Variants in ARPC1A observed in about 807,000 individuals in gnomAD.
ARPC1A encodes the protein actin related protein 2/3 complex subunit 1A.
In ARPC1A, 8 loss-of-function variants were observed where a neutral mutation model predicts 46.9. The observed-to-expected ratio is 0.17, with a 90% CI of 0.10 to 0.31. ARPC1A has a LOEUF of 0.31. Ranked by LOEUF, ARPC1A falls within the 10% of genes least tolerant of loss-of-function variation. The pLI is 1.00. For synonymous variants in ARPC1A, 152 were observed against 169.0 expected (o/e 0.90, Z 0.78); for missense variants, 286 against 483.6 (o/e 0.59, Z 3.83).
At chr7:99,335,038 G>C (rs1793217380) in intron 2 of ARPC1A, among the ~76,000 whole-genome samples, 1 of 152,126 alleles carries the variant, frequency 6.6e-6, no homozygotes, top group Admixed American at 6.6e-5. Flanking sequence ...GTAGAGACAG[G>C]GTTTCACCTG....
At chr7:99,357,357 C>CT (rs1461793714) in intron 6 of ARPC1A, among the ~76,000 whole-genome samples, 4 of 151,848 alleles carry the variant, frequency 2.6e-5, no homozygotes, top group Non-Finnish European at 4.4e-5. Context: ...ATACAGTTAG[C>CT]TTTTTTTTAT....
At chr7:99,349,935 G>A (rs375676761) in intron 5 of ARPC1A, among the ~76,000 whole-genome samples, 25 of 151,208 alleles carry the variant, frequency 1.7e-4, no homozygotes, top group East Asian at 1.6e-3. Flanking sequence ...CATTTGAACC[G>A]GGGAGGTGGA....
chr7:99,362,726 G>A (rs758675654), intron 8 of ARPC1A, among the ~76,000 whole-genome samples: 26 of 151,886 alleles, frequency 1.7e-4, no homozygotes, highest in Non-Finnish European at 2.9e-4. Flanking sequence ...CCTTCCCAGC[G>A]TCGGGGAAGA....
chr7:99,358,712 G>C (rs1335269386), intron 7 of ARPC1A: 1 of 292,602 alleles, frequency 3.4e-6, no homozygotes, highest in African/African-American at 2.3e-5. Flanking sequence ...GGCTAATTTT[G>C]TATTTTTAGA....
chr7:99,329,169 C>T (rs898457460), intron 1 of ARPC1A, among the ~76,000 whole-genome samples: 16 of 151,434 alleles, frequency 1.1e-4, no homozygotes, highest in African/African-American at 3.4e-4. Context: ...GGTGTGGTGG[C>T]GGGCCCCTGT....
At chr7:99,346,325 A>G (rs1793451380) in intron 4 of ARPC1A, among the ~76,000 whole-genome samples, 1 of 152,222 alleles carries the variant, frequency 6.6e-6, no homozygotes, top group Admixed American at 6.5e-5. Context: ...TGGAAGTTTC[A>G]TTGTAATGAG....
In ARPC1A at chr7:99,333,243, T is replaced by C. The variant is rs114862515; in HGVS notation, c.-29-82T>C. 1,713 of 871,224 alleles carry C rather than the reference T, an allele frequency of 2.0e-3. 21 individuals carry two copies. The African/African-American group carries it at 0.026, about 13-fold the overall frequency. The allele number at this position is 871,224 out of a possible 1,614,324, so 54.0% of individuals were successfully genotyped here. On this transcript the variant is annotated intron_variant, in intron 1 of 9. Transcript: ENST00000262942. ...AATGTTTTATTTATTTCCGAACATCTTAAGATCCTCAGGCAACTTAAACAT... is the reference window on the plus strand; with the variant it reads ...AATGTTTTATTTATTTCCGAACATCCTAAGATCCTCAGGCAACTTAAACAT...
At chr7:99,350,629 CA>C (rs1237133873) in intron 5 of ARPC1A, among the ~76,000 whole-genome samples, 1 of 126,420 alleles carries the variant, frequency 7.9e-6, no homozygotes, top group African/African-American at 3.1e-5. Context: ...AGATGAGGTG[CA>C]CTTTTTTTTT....
At chr7:99,336,805 A>ATTTTAAT (rs1793262848) in intron 2 of ARPC1A, among the ~76,000 whole-genome samples, 1 of 151,840 alleles carries the variant, frequency 6.6e-6, no homozygotes, top group Admixed American at 6.6e-5. Flanking sequence ...ATAGATCCTA[A>ATTTTAAT]TTTTAATTTT....
At chr7:99,362,032 C>T (rs562531656) in intron 8 of ARPC1A, among the ~76,000 whole-genome samples, 3 of 152,198 alleles carry the variant, frequency 2.0e-5, no homozygotes, top group Admixed American at 6.5e-5. Flanking sequence ...CAGAGGCTCA[C>T]GCCTGTAATC....
chr7:99,338,107 C>G (rs1793286720), intron 2 of ARPC1A, 74 bp from the exon 3 acceptor site: 1 of 1,138,384 alleles, frequency 8.8e-7, no homozygotes, highest in East Asian at 2.6e-5. Context: ...GCTTTTAAAA[C>G]AACTGTGACA....
chr7:99,360,419 G>A (rs975542740), intron 8 of ARPC1A, among the ~76,000 whole-genome samples: 4 of 150,760 alleles, frequency 2.7e-5, no homozygotes, highest in Non-Finnish European at 5.9e-5. Flanking sequence ...TCTGCCTCCC[G>A]GGTTCAAGCA....
intron 9 of ARPC1A, among the ~76,000 whole-genome samples, chr7:99,364,847 G>A (rs917926259): frequency 6.6e-6 from 1 of 152,198 alleles, no homozygotes; most frequent in African/African-American, 2.4e-5. Flanking sequence ...CTGTCTGGTA[G>A]AAGAGAGAGG....
intron 4 of ARPC1A, among the ~76,000 whole-genome samples, chr7:99,347,554 A>T (rs566853805): frequency 2.8e-4 from 43 of 151,904 alleles, no homozygotes; most frequent in Admixed American, 2.0e-3. Flanking sequence ...AAATTACAAA[A>T]ATTAGCCGGG....
intron 5 of ARPC1A, among the ~76,000 whole-genome samples, chr7:99,351,497 G>A (rs1793541915): frequency 1.3e-5 from 2 of 152,172 alleles, no homozygotes; most frequent in Non-Finnish European, 2.9e-5. Flanking sequence ...GGGGTTACAG[G>A]CATGAGCCAC....
At chr7:99,363,072 C>T (rs1157229182) in intron 8 of ARPC1A, among the ~76,000 whole-genome samples, 2 of 152,102 alleles carry the variant, frequency 1.3e-5, no homozygotes, top group African/African-American at 4.8e-5. Context: ...GGCTGTGGTC[C>T]TACCCACAAC....
chr7:99,342,716 CTT>C (rs555524613), intron 3 of ARPC1A, among the ~76,000 whole-genome samples: 90 of 101,902 alleles, frequency 8.8e-4, no homozygotes, highest in African/African-American at 3.9e-3. Context: ...CTTCATACTA[CTT>C]TTTTTTTTTT....
At position 99,363,577 on chromosome 7, in the gene ARPC1A, T is replaced by G; in HGVS notation, c.1018T>G (p.Cys340Gly). ...TATTTATGAGGTGGACAAGCAAGAT[T>G]GTCGCAAATTTTGCACTACTGGCAT... ...VSIYEVDKQDCRKFCTTGIDG... is the reference protein window; with the variant it reads ...VSIYEVDKQDGRKFCTTGIDG... The change falls in exon 9 of 10, where the codon TGT becomes GGT. Residue 340 changes from cysteine (C) to glycine (G), a missense_variant. Around this residue, in one of 5 missense-constraint regions of ARPC1A, gnomAD observed 182 missense variants for 276.7 expected, o/e 0.66. Transcript: ENST00000262942. 1 of 1,613,584 alleles carries G rather than the reference T, an allele frequency of 6.2e-7. No individual in the cohort carries two copies. The highest frequency in any genetic ancestry group is 8.5e-7 in the Non-Finnish European group (1 of 1,179,916).
chr7:99,359,852 C>T (rs1383339481), intron 8 of ARPC1A, 114 bp downstream of exon 8: 1 of 1,225,048 alleles, frequency 8.2e-7, no homozygotes, highest in Non-Finnish European at 1.2e-6. Flanking sequence ...GACATTCTTT[C>T]AGGGACAAGT....
Sources: gnomAD v4.1 joint callset for allele counts (sites outside exome capture counted in the v4.1 genomes callset) on GRCh38, gnomAD v4.1.1 for gene constraint, gnomAD v4.1.1 regional missense constraint, MANE v1.5 for transcripts, NCBI Gene and HGNC (gene_info 2026-07-23, HGNC 2026-07-21) for gene names.